Variants in PKNOX2 observed in about 807,000 individuals in gnomAD.
The protein encoded by PKNOX2 is PBX/knotted 1 homeobox 2.
A neutral mutation model predicts 53.1 loss-of-function variants in PKNOX2; 14 were observed. The ratio of observed to expected loss-of-function variants is 0.26; its 90% CI spans 0.17 to 0.41. The LOEUF (loss-of-function observed/expected upper bound fraction) is 0.41. Among genes scored for constraint, PKNOX2 ranks in the 10% least tolerant of loss-of-function variants. The probability of loss-of-function intolerance (pLI) is 1.00; values close to 1 mark genes in which losing one functional copy is unlikely to be tolerated. For synonymous variants in PKNOX2, 257 were observed against 242.8 expected, an observed-to-expected ratio of 1.06 and a Z score of -0.54; for missense variants, 496 against 602.8, an observed-to-expected ratio of 0.82 and a Z score of 1.85.
chr11:125,216,890 C>T (rs1487743514), intron 1 of PKNOX2, among the ~76,000 whole-genome samples: 1 of 152,140 alleles, frequency 6.6e-6, no homozygotes, highest in Non-Finnish European at 1.5e-5. Flanking sequence ...TGAAGACTCC[C>T]ACTGTTGACC....
rs756757424 is a variant in PKNOX2, at chr11:125,352,798, G to A, written c.87+1406G>A. ...CTCCCAGCCTAACCCCATCCTCAGC[G>A]AGCCCTCTGCTCATGCCAGTAGCTT... On this transcript the variant is annotated intron_variant, in intron 4 of 12. Transcript: ENST00000298282. The surrounding 1 kb of genome is among the most constrained non-coding windows in gnomAD (Gnocchi z 4.1). Among the ~76,000 whole-genome samples, 3 of 152,090 alleles carry A rather than the reference G, an allele frequency of 2.0e-5. No individual in the cohort carries two copies. The highest frequency in any genetic ancestry group is 1.9e-4 in the East Asian group (1 of 5,192).
chr11:125,379,055 C>CTTTTTT (rs35310311), intron 5 of PKNOX2, among the ~76,000 whole-genome samples: 1 of 124,442 alleles, frequency 8.0e-6, no homozygotes, highest in African/African-American at 3.2e-5. Flanking sequence ...TTTTCTTTCT[C>CTTTTTT]TTTTTTTTTT....
chr11:125,189,393 A>ATATATGTATATG (rs1956656862), intron 1 of PKNOX2, among the ~76,000 whole-genome samples: 1 of 126,586 alleles, frequency 7.9e-6, no homozygotes, highest in Non-Finnish European at 1.7e-5. Flanking sequence ...GTGTGTATAT[A>ATATATGTATATG]TATATGTGTG....
intron 4 of PKNOX2, among the ~76,000 whole-genome samples, chr11:125,356,623 A>G (rs1951632846): frequency 6.6e-6 from 1 of 152,232 alleles, no homozygotes; most frequent in African/African-American, 2.4e-5. Context: ...ACATTGTCTC[A>G]CTTACCCTGC....
At chr11:125,356,220 T>A (rs1301923934) in intron 4 of PKNOX2, among the ~76,000 whole-genome samples, 1 of 152,180 alleles carries the variant, frequency 6.6e-6, no homozygotes, top group East Asian at 1.9e-4. Context: ...AAAGCAGAAA[T>A]CCTGGTAGAT....
intron 4 of PKNOX2, among the ~76,000 whole-genome samples, chr11:125,360,727 G>C (rs1951878751): frequency 6.6e-6 from 1 of 152,188 alleles, no homozygotes; most frequent in African/African-American, 2.4e-5. Flanking sequence ...CAGCTCTCAG[G>C]GTGTGGGCTG....
intron 4 of PKNOX2, among the ~76,000 whole-genome samples, chr11:125,363,853 G>T (rs528637529): frequency 1.4e-4 from 21 of 152,176 alleles, no homozygotes; most frequent in African/African-American, 5.1e-4. Context: ...CTCTGGGAGT[G>T]GGGGTGGGGA....
At chr11:125,274,350 A>C (rs1311748409) in intron 2 of PKNOX2, among the ~76,000 whole-genome samples, 1 of 152,148 alleles carries the variant, frequency 6.6e-6, no homozygotes, top group African/African-American at 2.4e-5. Context: ...AGGGATATCG[A>C]GCTCCACATC....
chr11:125,313,299 G>A (rs1482126124), intron 2 of PKNOX2, among the ~76,000 whole-genome samples: 2 of 152,290 alleles, frequency 1.3e-5, no homozygotes, highest in East Asian at 3.9e-4. Flanking sequence ...TCCCTAATGG[G>A]GCCTGGTGAG....
At chr11:125,262,265 G>A (rs1167009892) in intron 2 of PKNOX2, among the ~76,000 whole-genome samples, 1 of 152,134 alleles carries the variant, frequency 6.6e-6, no homozygotes, top group Non-Finnish European at 1.5e-5. Context: ...TGGGCCGGAA[G>A]GAGTGATGAC....
intron 4 of PKNOX2, among the ~76,000 whole-genome samples, chr11:125,362,752 G>C (rs573545007): frequency 1.4e-4 from 21 of 152,274 alleles, no homozygotes; most frequent in African/African-American, 4.6e-4. Context: ...TAACAGAAAA[G>C]AAGCATCTGT....
At chr11:125,322,974 A>C (rs1949612625) in intron 2 of PKNOX2, among the ~76,000 whole-genome samples, 1 of 152,202 alleles carries the variant, frequency 6.6e-6, no homozygotes, top group African/African-American at 2.4e-5. Context: ...ACCCCAGTAC[A>C]TAAAGTCTTA....
intron 5 of PKNOX2, among the ~76,000 whole-genome samples, chr11:125,380,201 G>C (rs987954952): frequency 6.6e-6 from 1 of 152,224 alleles, no homozygotes; most frequent in African/African-American, 2.4e-5. Flanking sequence ...TAGGCCATTA[G>C]AGAAATTCAT....
chr11:125,175,988 C>A (rs1277696465), intron 1 of PKNOX2, among the ~76,000 whole-genome samples: 1 of 152,160 alleles, frequency 6.6e-6, no homozygotes, highest in South Asian at 2.1e-4. Flanking sequence ...AATTCACACG[C>A]CTTCTCATAC....
chr11:125,230,849 G>T (rs147255382), intron 1 of PKNOX2, among the ~76,000 whole-genome samples: 203 of 152,286 alleles, frequency 1.3e-3, no homozygotes, highest in African/African-American at 4.6e-3. Flanking sequence ...CACTTTTAAA[G>T]ATGAGAAAAT....
chr11:125,174,387 GA>G (rs1200623709), intron 1 of PKNOX2, among the ~76,000 whole-genome samples: 1 of 152,186 alleles, frequency 6.6e-6, no homozygotes, highest in Non-Finnish European at 1.5e-5. Context: ...AAACGCATGT[GA>G]AATTGAGAAC....
At chr11:125,414,652 C>T (rs374072432) in intron 10 of PKNOX2, among the ~76,000 whole-genome samples, 32 of 151,790 alleles carry the variant, frequency 2.1e-4, no homozygotes, top group African/African-American at 7.0e-4. Flanking sequence ...TAACTAGGCA[C>T]GGTAGAAAGA....
intron 2 of PKNOX2, among the ~76,000 whole-genome samples, chr11:125,329,906 G>A (rs188150676): frequency 2.6e-5 from 4 of 152,336 alleles, no homozygotes; most frequent in Admixed American, 2.6e-4. Flanking sequence ...GGCCTTCTCT[G>A]AGCAGGAAGT....
intron 2 of PKNOX2, among the ~76,000 whole-genome samples, chr11:125,289,939 G>T (rs775018329): frequency 7.9e-5 from 12 of 152,128 alleles, no homozygotes; most frequent in Non-Finnish European, 1.3e-4. Flanking sequence ...TGAGGGCTGG[G>T]TCTTTCCTGG....
Sources: allele counts gnomAD v4.1 joint callset (sites outside exome capture counted in the v4.1 genomes callset), GRCh38; gene constraint gnomAD v4.1.1; non-coding constraint Gnocchi (gnomAD v3.1); transcripts MANE v1.5; gene names NCBI Gene and HGNC (gene_info 2026-07-23, HGNC 2026-07-21).